Variants in LSM14A observed in about 807,000 individuals in gnomAD.
The protein encoded by LSM14A is protein LSM14 homolog A.
Under a neutral mutation model 52.4 loss-of-function variants are expected in LSM14A, and 14 were observed. The observed-to-expected ratio is 0.27, with a 90% CI of 0.18 to 0.42. The LOEUF is 0.42. LSM14A is among the 10% of genes least tolerant of loss of function. The pLI is 1.00. For missense variants in LSM14A, 417 were observed against 581.8 expected (o/e 0.72, Z 2.91); for synonymous variants, 185 against 200.3 (o/e 0.92, Z 0.64).
At chr19:34,190,115 T>A (rs1431044587) in intron 1 of LSM14A, among the ~76,000 whole-genome samples, 1 of 152,226 alleles carries the variant, frequency 6.6e-6, no homozygotes, top group African/African-American at 2.4e-5. Flanking sequence ...GTGCTTATCA[T>A]GCCTCCTTCC....
Position 34,173,013 on chromosome 19 carries a change from C to T in LSM14A, c.121+250C>T, listed in dbSNP as rs199787534. On this transcript the variant is annotated intron_variant, in intron 1 of 9. Transcript: ENST00000544216. Reference sequence around the variant, plus strand: ...ACGGGACTGAGTGCGCGGCGGGCGGCCCTGAAGTCCGAGAACGGGCCGGAG... The same window carrying T: ...ACGGGACTGAGTGCGCGGCGGGCGGTCCTGAAGTCCGAGAACGGGCCGGAG... Among the ~76,000 whole-genome samples the T allele has an allele frequency of 5.8e-4, 88 of 152,346 alleles. 2 individuals are homozygous for T. The East Asian group carries it at 0.016, about 28-fold the overall frequency.
At chr19:34,190,968 A>G (rs1024129540) in intron 1 of LSM14A, among the ~76,000 whole-genome samples, 2 of 151,940 alleles carry the variant, frequency 1.3e-5, no homozygotes, top group African/African-American at 4.8e-5. Flanking sequence ...CTATTCTGTT[A>G]TATCTTTAAT....
At chr19:34,209,100 G>GT in intron 4 of LSM14A, 49 bp downstream of exon 4, 1 of 1,471,898 alleles carries the variant, frequency 6.8e-7, no homozygotes, top group Non-Finnish European at 9.2e-7. Context: ...TTTTATAGTG[G>GT]TTTTTGTCTT....
chr19:34,220,499 A>G (rs1340261614), intron 8 of LSM14A, among the ~76,000 whole-genome samples: 2 of 152,206 alleles, frequency 1.3e-5, no homozygotes, highest in Non-Finnish European at 2.9e-5. Context: ...TGCTGGTACC[A>G]TAAAACTGCC....
intron 4 of LSM14A, among the ~76,000 whole-genome samples, chr19:34,214,587 G>T (rs951948089): frequency 6.6e-6 from 1 of 152,324 alleles, no homozygotes; most frequent in African/African-American, 2.4e-5. Flanking sequence ...AGGATTACAG[G>T]CATATGCCAC....
chr19:34,182,796 A>G (rs907486382), intron 1 of LSM14A, among the ~76,000 whole-genome samples: 2 of 146,898 alleles, frequency 1.4e-5, no homozygotes, highest in African/African-American at 5.1e-5. Flanking sequence ...GTGAGCCAAG[A>G]TTATACCAGT....
chr19:34,226,021 C>T (rs995327954), intron 9 of LSM14A, among the ~76,000 whole-genome samples: 1 of 151,490 alleles, frequency 6.6e-6, no homozygotes, highest in African/African-American at 2.4e-5. Context: ...ATGATCGCAC[C>T]ACTGCACTCC....
chr19:34,185,382 G>A (rs2145558853), intron 1 of LSM14A, among the ~76,000 whole-genome samples: 1 of 152,280 alleles, frequency 6.6e-6, no homozygotes, highest in East Asian at 1.9e-4. Context: ...TGGAGGCTGA[G>A]GGACAGATGT....
chr19:34,174,283 A>T (rs2068926436), intron 1 of LSM14A, among the ~76,000 whole-genome samples: 1 of 152,214 alleles, frequency 6.6e-6, no homozygotes, highest in Non-Finnish European at 1.5e-5. Context: ...TGGTGTTGGG[A>T]CAAATCTTAT....
chr19:34,198,933 G>GC (rs895281028), intron 3 of LSM14A, among the ~76,000 whole-genome samples: 2 of 151,868 alleles, frequency 1.3e-5, no homozygotes, highest in Non-Finnish European at 2.9e-5. Context: ...CTTGCGGTGA[G>GC]CCAAGATCGT....
At chr19:34,221,296 T>A in intron 8 of LSM14A, 1 of 550,004 alleles carries the variant, frequency 1.8e-6, no homozygotes, top group Non-Finnish European at 3.2e-6. Flanking sequence ...TTGGCCAGGC[T>A]AGTCTCGAAC....
At position 34,215,722 on chromosome 19, in the gene LSM14A, A is replaced by C. The variant is rs1242689109; in HGVS notation, c.781+61A>C. 2.6e-6 allele frequency: 3 copies of C among 1,136,694 alleles called. No individual in the cohort carries two copies. In the African/African-American group the frequency reaches 4.7e-5, roughly 18 times the overall value. The allele number at this position is 1,136,694 out of a possible 1,614,324, so 70.4% of individuals were successfully genotyped here. On this transcript the variant is annotated intron_variant, in intron 6 of 9. Coordinates refer to ENST00000544216, the MANE Select transcript of LSM14A (RefSeq NM_015578.4). ...TCTCAACAGGGAGAATATTTTAAATATATGATACATAATTACTATAAAAAA... is the reference window on the plus strand; with the variant it reads ...TCTCAACAGGGAGAATATTTTAAATCTATGATACATAATTACTATAAAAAA...
intron 4 of LSM14A, among the ~76,000 whole-genome samples, chr19:34,214,024 C>T (rs1445483543): frequency 1.3e-5 from 2 of 152,140 alleles, no homozygotes; most frequent in African/African-American, 4.8e-5. Context: ...CTCAAGCGAT[C>T]TGCCCATCTC....
At chr19:34,211,347 A>T (rs2145796528) in intron 4 of LSM14A, among the ~76,000 whole-genome samples, 1 of 152,246 alleles carries the variant, frequency 6.6e-6, no homozygotes, top group Admixed American at 6.5e-5. Context: ...TTGATTATGT[A>T]ATGAGGAGAA....
chr19:34,217,617 G>GTTT (rs1568498334), intron 6 of LSM14A, among the ~76,000 whole-genome samples: 9 of 36,696 alleles, frequency 2.5e-4, no homozygotes, highest in Non-Finnish European at 4.2e-4. Flanking sequence ...CCCCCCCCCC[G>GTTT]TGTTTTTTTT....
At chr19:34,202,803 C>T (rs1249051740) in intron 3 of LSM14A, among the ~76,000 whole-genome samples, 3 of 152,046 alleles carry the variant, frequency 2.0e-5, no homozygotes, top group Non-Finnish European at 4.4e-5. Context: ...TACAGACGCC[C>T]GCCACCACGC....
chr19:34,192,319 G>GTTGTTGTTGTTTTTTTTTTTT (rs60512063), intron 1 of LSM14A, among the ~76,000 whole-genome samples: 2 of 53,410 alleles, frequency 3.7e-5, no homozygotes. Context: ...TCTTTTTGTT[G>GTTGTTGTTGTTTTTTTTTTTT]TTTTTTTTTT....
chr19:34,224,818 A>G (rs1176862384), intron 9 of LSM14A, among the ~76,000 whole-genome samples: 13 of 152,210 alleles, frequency 8.5e-5, no homozygotes, highest in Admixed American at 5.9e-4. Flanking sequence ...GCCAGGCACT[A>G]TGTTGAGCAT....
chr19:34,208,987 A>G lies in LSM14A; in HGVS notation c.474A>G (p.Gln158=). The change falls in exon 4 of 10, where the codon CAA becomes CAG. Residue 158 remains glutamine (Q), a synonymous_variant. Transcript: ENST00000544216. The stretch of plus-strand genomic sequence containing the variant: ...CATCAAACAGTGGTACCTTACCCCA[A>G]AGTAGTGCGGTTGGTTCTGCCTTTA... ...TETSNSGTLP[Q]SSAVGSAFTQ... is the part of the protein sequence containing the mutation. 1 of 1,612,174 alleles carries G rather than the reference A, an allele frequency of 6.2e-7. No individual in the cohort carries two copies.
Sources: allele counts gnomAD v4.1 joint callset (sites outside exome capture counted in the v4.1 genomes callset), GRCh38; gene constraint gnomAD v4.1.1; transcripts MANE v1.5; gene names NCBI Gene and HGNC (gene_info 2026-07-23, HGNC 2026-07-21).